The following MACROD1 variants were observed in gnomAD, a reference collection of about 807,000 sequenced individuals.
MACROD1 encodes ADP-ribose glycohydrolase MACROD1.
Under a neutral mutation model 41.4 loss-of-function variants are expected in MACROD1, and 31 were observed. The ratio of observed to expected loss-of-function variants is 0.75; its 90% CI spans 0.56 to 1.01. The LOEUF (loss-of-function observed/expected upper bound fraction) is 1.01, where lower values mean the gene tolerates loss of function less well. MACROD1 is among the 50% of genes least tolerant of loss of function. The pLI, the probability that MACROD1 is intolerant of heterozygous loss-of-function variation, is 0.00. For missense variants in MACROD1, 473 were observed against 460.0 expected, an observed-to-expected ratio of 1.03 and a Z score of -0.26; for synonymous variants, 252 against 203.4, an observed-to-expected ratio of 1.24 and a Z score of -2.03.
chr11:64,108,952 A>G (rs1317204082), intron 3 of MACROD1, among the ~76,000 whole-genome samples: 1 of 152,174 alleles, frequency 6.6e-6, no homozygotes, highest in African/African-American at 2.4e-5. Context: ...GCAGGTGGGC[A>G]GGAAGGAGGC....
intron 3 of MACROD1, chr11:64,081,715 G>C (rs1944307729): frequency 6.6e-6 from 1 of 152,172 alleles, no homozygotes; most frequent in Admixed American, 6.5e-5. Context: ...GCTGAAGCCT[G>C]TTCCTGCTTG....
At position 64,067,592 on chromosome 11, in the gene MACROD1, G is replaced by C. The variant is rs1346094391; in HGVS notation, c.518-52311C>G. Among the ~76,000 whole-genome samples, 1 of 152,060 alleles carries C rather than the reference G, an allele frequency of 6.6e-6. No individual in the cohort carries two copies. Among genetic ancestry groups the C allele is most frequent in the Non-Finnish European group, 1.5e-5 (1 of 68,004 alleles). On this transcript the variant is annotated intron_variant, in intron 3 of 10. Coordinates refer to ENST00000255681, the MANE Select transcript of MACROD1 (RefSeq NM_014067.4). This position sits in a 1 kb window ranked among gnomAD's most constrained non-coding sequence, Gnocchi z 4.6. ...CAGGACCCAGGCTTGTCTCCCTCCT[G>C]TCCCTAGGTGGGTGACGCACCAACA...
Position 64,036,722 on chromosome 11 carries a change from C to T in MACROD1, c.518-21441G>A, listed in dbSNP as rs190814017. ...CTTCCCTCCCTGTGCGCGCTGTGGA[C>T]CGTCAGCCCTGAGCCGGGCGGGGGC... On this transcript the variant is annotated intron_variant, in intron 3 of 10. Coordinates refer to ENST00000255681, the MANE Select transcript of MACROD1 (RefSeq NM_014067.4). The surrounding 1 kb of genome is among the most constrained non-coding windows in gnomAD (Gnocchi z 5.6). Among the ~76,000 whole-genome samples, 57 of 151,820 alleles carry T rather than the reference C, an allele frequency of 3.8e-4. No individual in the cohort carries two copies. Among genetic ancestry groups the T allele is most frequent in the Admixed American group, 2.8e-3 (43 of 15,274 alleles).
chr11:64,031,904 G>A (rs1249896940), intron 3 of MACROD1, among the ~76,000 whole-genome samples: 3 of 152,206 alleles, frequency 2.0e-5, no homozygotes, highest in Non-Finnish European at 4.4e-5. Flanking sequence ...GCATCACTGG[G>A]GCCCCGAGCT....
intron 3 of MACROD1, among the ~76,000 whole-genome samples, chr11:64,053,726 T>G (rs1245440355): frequency 6.6e-6 from 1 of 152,052 alleles, no homozygotes; most frequent in Non-Finnish European, 1.5e-5. Flanking sequence ...CTCCTTCCCT[T>G]GCCTTCCGCT....
intron 3 of MACROD1, chr11:64,127,078 A>C (rs1260363696): frequency 1.3e-5 from 2 of 152,266 alleles, no homozygotes; most frequent in Non-Finnish European, 2.9e-5. Flanking sequence ...AAACCGAGAC[A>C]CGCAAACACC....
intron 1 of MACROD1, 110 bp from the exon 2 acceptor site, chr11:64,152,503 GTCCC>G (rs1392238826): frequency 6.0e-6 from 5 of 839,490 alleles, no homozygotes; most frequent in Non-Finnish European, 1.0e-5. Flanking sequence ...AGCTCTTCCT[GTCCC>G]TCCTTCTCTG....
intron 3 of MACROD1, chr11:64,104,266 G>A (rs1944720088): frequency 6.6e-6 from 1 of 152,396 alleles, no homozygotes; most frequent in Non-Finnish European, 1.5e-5. Flanking sequence ...CAGACAGCTG[G>A]GTTGCACCCT....
intron 3 of MACROD1, among the ~76,000 whole-genome samples, chr11:64,017,842 TCAAAGAGGGCACTGTGC>T (rs1361562845): frequency 1.3e-5 from 2 of 151,916 alleles, no homozygotes; most frequent in African/African-American, 4.8e-5. Flanking sequence ...TGGCTCCTGC[TCAAAGAGGGCACTGTGC>T]CAAATAGGTT....
chr11:64,090,551 G>A lies in MACROD1; in HGVS notation c.517+60688C>T, dbSNP rs948053329. On this transcript the variant is annotated intron_variant, in intron 3 of 10. Transcript: ENST00000255681. This position sits in a 1 kb window ranked among gnomAD's most constrained non-coding sequence, Gnocchi z 4.7. ...CGACCGGCTCTGCCTGCTCACAGGT[G>A]GCTGGGCCAGGAGGCTCCGGGATGA... Among the ~76,000 whole-genome samples, 8 of 152,160 alleles carry A rather than the reference G, an allele frequency of 5.3e-5. No individual in the cohort carries two copies. The highest frequency in any genetic ancestry group is 8.8e-5 in the Non-Finnish European group (6 of 68,034).
intron 3 of MACROD1, among the ~76,000 whole-genome samples, chr11:64,116,028 C>A (rs187137593): frequency 1.2e-4 from 19 of 152,342 alleles, no homozygotes; most frequent in African/African-American, 4.3e-4. Flanking sequence ...TAGAGTCCGA[C>A]CTCGGCGGGA....
At chr11:64,157,973 C>G (rs1348036139) in intron 1 of MACROD1, among the ~76,000 whole-genome samples, 1 of 152,220 alleles carries the variant, frequency 6.6e-6, no homozygotes, top group Non-Finnish European at 1.5e-5. Context: ...TGGAGCCCCT[C>G]TCCTCTACCC....
Position 64,096,440 on chromosome 11 carries a change from T to G in MACROD1, c.517+54799A>C. Among the ~76,000 whole-genome samples the G allele has an allele frequency of 6.6e-6, 1 of 150,896 alleles. No homozygotes were observed. Among genetic ancestry groups the G allele is most frequent in the African/African-American group, 2.4e-5 (1 of 41,052 alleles). The stretch of plus-strand genomic sequence containing the variant: ...CCTCTTTTTTTTTTTTGAGACTGAG[T>G]CTCGCTGTGCTGCCCAGGATGATGA... On this transcript the variant is annotated intron_variant, in intron 3 of 10. Transcript: ENST00000255681. This position sits in a 1 kb window ranked among gnomAD's most constrained non-coding sequence, Gnocchi z 4.6.
At chr11:64,118,870 A>C (rs1350927200) in intron 3 of MACROD1, 1 of 167,092 alleles carries the variant, frequency 6.0e-6, no homozygotes, top group Non-Finnish European at 1.5e-5. Flanking sequence ...TTTCCCTTGC[A>C]GATTTGCAGA....
In MACROD1 at chr11:64,096,259, A is replaced by T. The variant is rs1415347429; in HGVS notation, c.517+54980T>A. ...ACTGTTCTGCCGACAAAAGCAGGCC[A>T]ATTTCCTGAAAGAAGAGGTTCCGGC... On this transcript the variant is annotated intron_variant, in intron 3 of 10. Transcript: ENST00000255681. This position sits in a 1 kb window ranked among gnomAD's most constrained non-coding sequence, Gnocchi z 4.6. Among the ~76,000 whole-genome samples, 1 of 152,180 alleles carries T rather than the reference A, an allele frequency of 6.6e-6. No individual in the cohort carries two copies. Among genetic ancestry groups the T allele is most frequent in the African/African-American group, 2.4e-5 (1 of 41,446 alleles).
chr11:64,128,871 G>A (rs1453600274), intron 3 of MACROD1, among the ~76,000 whole-genome samples: 4 of 152,174 alleles, frequency 2.6e-5, no homozygotes, highest in African/African-American at 7.2e-5. Context: ...AGGAGGCCCC[G>A]TAAACAGGAA....
intron 3 of MACROD1, among the ~76,000 whole-genome samples, chr11:64,138,185 G>T (rs994057974): frequency 6.6e-6 from 1 of 152,178 alleles, no homozygotes; most frequent in African/African-American, 2.4e-5. Flanking sequence ...TGTCCCATGC[G>T]CACCGGAAGG....
At chr11:64,091,242 G>A (rs12805344) in intron 3 of MACROD1, among the ~76,000 whole-genome samples, 16,327 of 152,118 alleles carry the variant, frequency 0.11, 981 homozygotes, top group Non-Finnish European at 0.13. Context: ...TGCAGCCCAC[G>A]GAGTGTGGGA....
At position 64,139,606 on chromosome 11, in the gene MACROD1, C is replaced by T. The variant is rs1417558570; in HGVS notation, c.517+11633G>A. The stretch of plus-strand genomic sequence containing the variant: ...TATGAGCCCCTCCAGTGTGGTAATG[C>T]ATTTTTTTCCTATTAATGCCCCCAT... On this transcript the variant is annotated intron_variant, in intron 3 of 10. Coordinates refer to ENST00000255681, the MANE Select transcript of MACROD1 (RefSeq NM_014067.4). 3.3e-5 allele frequency among the ~76,000 whole-genome samples: 5 copies of T among 152,264 alleles called. No homozygotes were observed. In the South Asian group the frequency reaches 6.2e-4, roughly 19 times the overall value.
Sources: allele counts gnomAD v4.1 joint callset (sites outside exome capture counted in the v4.1 genomes callset), GRCh38; gene constraint gnomAD v4.1.1; non-coding constraint Gnocchi (gnomAD v3.1); transcripts MANE v1.5; gene names NCBI Gene and HGNC (gene_info 2026-07-23, HGNC 2026-07-21).